Variants in PTPRN2 observed in about 807,000 individuals in gnomAD.
PTPRN2 encodes the protein receptor-type tyrosine-protein phosphatase N2.
Under a neutral mutation model 118.8 loss-of-function variants are expected in PTPRN2, and 74 were observed. The observed-to-expected ratio is 0.62, with a 90% CI of 0.52 to 0.76. The LOEUF (loss-of-function observed/expected upper bound fraction) is 0.76. PTPRN2 is among the 30% of genes least tolerant of loss of function. PTPRN2 has a pLI of 0.00. For synonymous variants in PTPRN2, 641 were observed against 608.0 expected (o/e 1.05, Z -0.80); for missense variants, 1,481 against 1,394.4 (o/e 1.06, Z -0.99).
intron 11 of PTPRN2, among the ~76,000 whole-genome samples, chr7:158,058,169 G>T (rs1266581446): frequency 1.4e-5 from 2 of 138,988 alleles, no homozygotes; most frequent in African/African-American, 5.1e-5. Flanking sequence ...CACTCCATCT[G>T]CCCACGGTGA....
intron 12 of PTPRN2, among the ~76,000 whole-genome samples, chr7:157,897,258 C>T (rs1488417803): frequency 6.6e-6 from 1 of 152,166 alleles, no homozygotes; most frequent in Non-Finnish European, 1.5e-5. Flanking sequence ...CCTCCGACAT[C>T]ACATCTTCCA....
Position 158,313,579 on chromosome 7 carries a change from A to AC in PTPRN2, c.277+3239dup, listed in dbSNP as rs1362669812. 5.3e-5 allele frequency among the ~76,000 whole-genome samples: 8 copies of AC among 149,856 alleles called. No individual in the cohort carries two copies. The East Asian group carries it at 5.9e-4, about 11-fold the overall frequency. On this transcript the variant is annotated intron_variant, in intron 3 of 22. Coordinates refer to ENST00000389418, the MANE Select transcript of PTPRN2 (RefSeq NM_002847.5). Reference sequence around the variant, plus strand: ...CTGTCTCTATGCAAGGATACCTACGACCCCCCATCTCCACATGGGGCTGCC... The same window carrying AC: ...CTGTCTCTATGCAAGGATACCTACGACCCCCCCATCTCCACATGGGGCTGCC...
intron 2 of PTPRN2, among the ~76,000 whole-genome samples, chr7:158,340,922 A>T (rs1398964577): frequency 1.2e-5 from 1 of 82,672 alleles, no homozygotes; most frequent in African/African-American, 4.4e-5. Context: ...ACACCCACAC[A>T]CGTCAATCAC....
chr7:157,856,350 C>A (rs1310743288), intron 12 of PTPRN2, among the ~76,000 whole-genome samples: 1 of 152,228 alleles, frequency 6.6e-6, no homozygotes, highest in East Asian at 1.9e-4. Context: ...CCACAGCTGG[C>A]TGTTTTTTGT....
chr7:158,345,850 T>C (rs999511683), intron 2 of PTPRN2, among the ~76,000 whole-genome samples: 2 of 152,080 alleles, frequency 1.3e-5, no homozygotes, highest in African/African-American at 4.8e-5. Flanking sequence ...GCAAGCACCT[T>C]CTTCCTGAGG....
intron 2 of PTPRN2, among the ~76,000 whole-genome samples, chr7:158,326,837 A>G (rs1260707247): frequency 1.0e-4 from 1 of 9,848 alleles, no homozygotes; most frequent in Non-Finnish European, 2.1e-4. Context: ...ACATGCTCTC[A>G]CATGCATTCT....
chr7:157,542,239 G>C (rs1221073630), intron 22 of PTPRN2, among the ~76,000 whole-genome samples: 2 of 152,204 alleles, frequency 1.3e-5, no homozygotes, highest in African/African-American at 2.4e-5. Flanking sequence ...GCTGTTTAGG[G>C]GATCCAGGCT....
chr7:158,235,707 T>A (rs1392155235), intron 3 of PTPRN2, among the ~76,000 whole-genome samples: 1 of 152,180 alleles, frequency 6.6e-6, no homozygotes, highest in African/African-American at 2.4e-5. Flanking sequence ...CAATAATGTA[T>A]GTATGTTTCA....
In PTPRN2 at chr7:157,546,590, G is replaced by A. The variant is rs145425567; in HGVS notation, c.2976+2356C>T. ...GATGGCTTCCAGCCCCATCCATGTCGCTGTAAAGGACATGATCTCATTCCT... is the reference window on the plus strand; with the variant it reads ...GATGGCTTCCAGCCCCATCCATGTCACTGTAAAGGACATGATCTCATTCCT... On this transcript the variant is annotated intron_variant, in intron 22 of 22. Coordinates refer to ENST00000389418, the MANE Select transcript of PTPRN2 (RefSeq NM_002847.5). Among the ~76,000 whole-genome samples, 121 of 152,318 alleles carry A rather than the reference G, an allele frequency of 7.9e-4. 1 individual carries two copies. Among genetic ancestry groups the A allele is most frequent in the African/African-American group, 2.6e-3 (109 of 41,554 alleles).
chr7:157,734,102 C>G lies in PTPRN2; in HGVS notation c.1789-51165G>C, dbSNP rs545717118. 4.7e-5 allele frequency among the ~76,000 whole-genome samples: 5 copies of G among 106,998 alleles called. No individual in the cohort carries two copies. The East Asian group carries it at 1.3e-3, about 28-fold the overall frequency. The allele number at this position is 106,998 out of a possible 152,430, so 70.2% of individuals were successfully genotyped here. On this transcript the variant is annotated intron_variant, in intron 12 of 22. Transcript: ENST00000389418. ...ATGCACCCAGCACAGTTACCCTTTC[C>G]CGTCCCATGCGCCCAGCACAGTTAC...
intron 11 of PTPRN2, among the ~76,000 whole-genome samples, chr7:157,909,544 C>A (rs1315597383): frequency 6.6e-6 from 1 of 152,372 alleles, no homozygotes; most frequent in East Asian, 1.9e-4. Context: ...TCACCTCCAA[C>A]AGCCCCCTCG....
In PTPRN2 at chr7:157,845,106, C is replaced by T. The variant is rs541845825; in HGVS notation, c.1788+53567G>A. 1.3e-5 allele frequency among the ~76,000 whole-genome samples: 2 copies of T among 152,246 alleles called. No homozygotes were observed. The highest frequency in any genetic ancestry group is 2.4e-5 in the African/African-American group (1 of 41,528). ...GAGCACAAGGTCACAGGGACGCAGC[C>T]CTGACCTCACGTTGGTCCACGACGG... On this transcript the variant is annotated intron_variant, in intron 12 of 22. Transcript: ENST00000389418. This position sits in a 1 kb window ranked among gnomAD's most constrained non-coding sequence, Gnocchi z 4.5.
intron 5 of PTPRN2, among the ~76,000 whole-genome samples, chr7:158,186,205 A>C (rs144329572): frequency 2.4e-4 from 37 of 152,202 alleles, no homozygotes; most frequent in African/African-American, 8.7e-4. Flanking sequence ...TTCCATTCCA[A>C]TGCGCATGAA....
intron 19 of PTPRN2, among the ~76,000 whole-genome samples, chr7:157,576,041 C>G (rs1391873214): frequency 6.6e-6 from 1 of 152,182 alleles, no homozygotes; most frequent in Non-Finnish European, 1.5e-5. Context: ...CTAGCATTCA[C>G]TTCAACAGTT....
chr7:157,578,282 G>A (rs994491691), intron 17 of PTPRN2, 142 bp from the exon 18 acceptor site: 13 of 1,038,260 alleles, frequency 1.3e-5, no homozygotes, highest in African/African-American at 8.0e-5. Context: ...TGTTTACTCC[G>A]CAGCTGCCTG....
intron 1 of PTPRN2, among the ~76,000 whole-genome samples, chr7:158,569,229 G>T (rs919099972): frequency 1.3e-5 from 2 of 152,282 alleles, no homozygotes; most frequent in Non-Finnish European, 2.9e-5. Flanking sequence ...GTTTCCACGG[G>T]TTGACTGGCG....
intron 22 of PTPRN2, among the ~76,000 whole-genome samples, chr7:157,548,239 AAAC>A (rs972179451): frequency 9.9e-5 from 15 of 152,146 alleles, no homozygotes; most frequent in South Asian, 2.1e-4. Flanking sequence ...AACAACAAAC[AAAC>A]AACAACAACA....
At chr7:157,937,569 G>A (rs931438397) in intron 11 of PTPRN2, among the ~76,000 whole-genome samples, 6 of 152,154 alleles carry the variant, frequency 3.9e-5, no homozygotes, top group Admixed American at 6.5e-5. Flanking sequence ...TCCCGAGTGC[G>A]GCCGCTCCAC....
At chr7:158,070,669 G>GGT (rs1811244432) in intron 11 of PTPRN2, among the ~76,000 whole-genome samples, 1 of 130,284 alleles carries the variant, frequency 7.7e-6, no homozygotes, top group Non-Finnish European at 1.6e-5. Context: ...TGCTCCTGGT[G>GGT]GTGGAGGTGC....
Sources: gnomAD v4.1 joint callset for allele counts (sites outside exome capture counted in the v4.1 genomes callset) on GRCh38, gnomAD v4.1.1 for gene constraint, Gnocchi (gnomAD v3.1) non-coding constraint, MANE v1.5 for transcripts, NCBI Gene and HGNC (gene_info 2026-07-23, HGNC 2026-07-21) for gene names.